UNC80: variants seen among roughly 807,000 people sequenced by gnomAD.
UNC80 encodes the protein protein unc-80 homolog.
Under a neutral mutation model 384.6 loss-of-function variants are expected in UNC80, and 164 were observed. That is an observed-to-expected ratio of 0.43 (90% CI 0.38 to 0.49). UNC80 has a LOEUF of 0.49. UNC80 is among the 20% of genes least tolerant of loss of function. UNC80 has a pLI of 0.00. For missense variants in UNC80, 3,330 were observed against 4,143.0 expected, an observed-to-expected ratio of 0.80 and a Z score of 5.39; for synonymous variants, 1,486 against 1,527.8, an observed-to-expected ratio of 0.97 and a Z score of 0.64.
At position 209,813,817 on chromosome 2, in the gene UNC80, A is replaced by G. The variant is rs764136598; in HGVS notation, c.1176A>G (p.Ser392=). 5.2e-6 allele frequency: 8 copies of G among 1,551,828 alleles called. No individual in the cohort carries two copies. Among genetic ancestry groups the G allele is most frequent in the Non-Finnish European group, 7.0e-6 (8 of 1,147,006 alleles). ...GCTCCATGGTGGCAGCAGCTCCCTCACTAGTGAACACCCACAAAACCCAAG... is the reference window on the plus strand; with the variant it reads ...GCTCCATGGTGGCAGCAGCTCCCTCGCTAGTGAACACCCACAAAACCCAAG... ...RSSSMVAAAP[S]LVNTHKTQDL... The change falls in exon 8 of 65, where the codon TCA becomes TCG. Residue 392 remains serine, a synonymous_variant. Coordinates refer to ENST00000673920, the MANE Select transcript of UNC80 (RefSeq NM_001371986.1).
chr2:209,940,188 C>T (rs1488820630), intron 43 of UNC80, among the ~76,000 whole-genome samples: 1 of 151,862 alleles, frequency 6.6e-6, no homozygotes, highest in Non-Finnish European at 1.5e-5. Flanking sequence ...GTGTGAAGTT[C>T]AAAAAGAGGC....
chr2:209,932,308 C>A (rs1443621868), intron 38 of UNC80, among the ~76,000 whole-genome samples: 1 of 152,184 alleles, frequency 6.6e-6, no homozygotes, highest in Non-Finnish European at 1.5e-5. Context: ...GAAAGCTTTC[C>A]AGCCAAGCAT....
intron 56 of UNC80, among the ~76,000 whole-genome samples, chr2:209,973,639 A>T (rs2092938521): frequency 6.6e-6 from 1 of 152,202 alleles, no homozygotes; most frequent in Admixed American, 6.5e-5. Context: ...TTCCATGCTG[A>T]TTAAGTACCA....
At chr2:209,918,974 T>G (rs2089802844) in intron 33 of UNC80, among the ~76,000 whole-genome samples, 1 of 152,144 alleles carries the variant, frequency 6.6e-6, no homozygotes, top group African/African-American at 2.4e-5. Flanking sequence ...ACATACTTAT[T>G]TAACCAATAA....
At position 209,995,587 on chromosome 2, in the gene UNC80, C is replaced by T; in HGVS notation, c.9967C>T (p.His3323Tyr). The T allele has an allele frequency of 6.4e-7, 1 of 1,551,974 alleles. No individual in the cohort carries two copies. Among genetic ancestry groups the T allele is most frequent in the Non-Finnish European group, 8.7e-7 (1 of 1,147,056 alleles). ...GKTDAVLDES[H>Y]V ...AACGGATGCAGTATTAGATGAGTCT[C>T]ATGTTTAATTCTGTATCTTGTAAGC... The change falls in exon 65 of 65, where the codon CAT becomes TAT. Residue 3323 changes from histidine (H) to tyrosine (Y), a missense_variant. By Grantham distance (83) the His-to-Tyr change is moderately conservative. Transcript: ENST00000673920.
chr2:209,957,249 T>C (rs2092450423), intron 48 of UNC80, among the ~76,000 whole-genome samples: 1 of 152,164 alleles, frequency 6.6e-6, no homozygotes. Context: ...GCCAAAGTGG[T>C]ACATACATCC....
intron 13 of UNC80, among the ~76,000 whole-genome samples, chr2:209,822,541 C>T (rs1198897918): frequency 6.6e-6 from 1 of 151,710 alleles, no homozygotes; most frequent in Non-Finnish European, 1.5e-5. Flanking sequence ...TTATAATATT[C>T]AAGGGAAATT....
At chr2:209,882,177 G>C (rs771977410) in intron 25 of UNC80, among the ~76,000 whole-genome samples, 6 of 151,746 alleles carry the variant, frequency 4.0e-5, no homozygotes, top group Non-Finnish European at 7.4e-5. Flanking sequence ...CATGTTAGCC[G>C]GGATGGTCTC....
chr2:209,922,661 A>G (rs2090129422), intron 35 of UNC80, among the ~76,000 whole-genome samples: 1 of 152,162 alleles, frequency 6.6e-6, no homozygotes, highest in African/African-American at 2.4e-5. Context: ...ATAGTTCTCC[A>G]CCTAGCTACA....
chr2:209,857,017 T>A (rs1042953361), intron 22 of UNC80, among the ~76,000 whole-genome samples: 1 of 152,068 alleles, frequency 6.6e-6, no homozygotes, highest in Admixed American at 6.6e-5. Context: ...CTAGAACTCC[T>A]GACCTTAGGT....
chr2:209,846,769 A>T (rs899698090), intron 21 of UNC80, among the ~76,000 whole-genome samples: 1 of 152,118 alleles, frequency 6.6e-6, no homozygotes, highest in Non-Finnish European at 1.5e-5. Context: ...GCATTCTTAC[A>T]TCCTAGTGTA....
chr2:209,822,424 A>T (rs78243244), intron 13 of UNC80, among the ~76,000 whole-genome samples: 26 of 152,284 alleles, frequency 1.7e-4, no homozygotes, highest in Non-Finnish European at 3.4e-4. Flanking sequence ...TACAAGTTAT[A>T]AGGCCCAAAT....
chr2:209,874,228 G>T (rs2084569215), intron 23 of UNC80, among the ~76,000 whole-genome samples: 1 of 152,082 alleles, frequency 6.6e-6, no homozygotes, highest in South Asian at 2.1e-4. Flanking sequence ...AAGTCAAGCA[G>T]TGTCAATGAA....
intron 25 of UNC80, among the ~76,000 whole-genome samples, chr2:209,884,534 T>G (rs1004744631): frequency 1.3e-5 from 2 of 152,296 alleles, no homozygotes; most frequent in East Asian, 3.9e-4. Flanking sequence ...CCTTACACCT[T>G]ATACAAAAAT....
chr2:209,802,833 T>C (rs2078648087), intron 7 of UNC80, among the ~76,000 whole-genome samples: 1 of 152,148 alleles, frequency 6.6e-6, no homozygotes, highest in African/African-American at 2.4e-5. Context: ...TGGGGAAATA[T>C]CCAGTTACAG....
At chr2:209,985,628 C>A (rs2093271124) in intron 61 of UNC80, among the ~76,000 whole-genome samples, 1 of 152,206 alleles carries the variant, frequency 6.6e-6, no homozygotes, top group African/African-American at 2.4e-5. Context: ...GGGGACTGCA[C>A]CTTTAACACT....
At chr2:209,867,917 T>C (rs2083972666) in intron 22 of UNC80, among the ~76,000 whole-genome samples, 1 of 152,202 alleles carries the variant, frequency 6.6e-6, no homozygotes, top group Non-Finnish European at 1.5e-5. Context: ...CACTCTTACT[T>C]GATCATATTG....
chr2:209,842,421 AGAG>A lies in UNC80; in HGVS notation c.3433_3435del (p.Glu1145del). On this transcript the variant is annotated inframe_deletion, in exon 21 of 65. Transcript: ENST00000673920. ...GTGGCATGGAAAATGGAAGAGATGA[AGAG>A]GAGAATTTCTTCAAGCGTCTTGGTA... is the stretch of plus-strand genomic sequence containing the variant. 2 of 1,550,970 alleles carry A rather than the reference AGAG, an allele frequency of 1.3e-6. No homozygotes were observed. Among genetic ancestry groups the A allele is most frequent in the South Asian group, 2.4e-5 (2 of 83,992 alleles).
chr2:209,927,050 T>A, intron 36 of UNC80, 64 bp downstream of exon 36: 1 of 1,521,800 alleles, frequency 6.6e-7, no homozygotes. Flanking sequence ...TAGAAGACAG[T>A]AGGTTGCTCT....
Sources: allele counts gnomAD v4.1 joint callset (sites outside exome capture counted in the v4.1 genomes callset), GRCh38; gene constraint gnomAD v4.1.1; transcripts MANE v1.5; gene names NCBI Gene and HGNC (gene_info 2026-07-23, HGNC 2026-07-21).